RPL5: variants seen among roughly 807,000 people sequenced by gnomAD.
RPL5 encodes the protein ribosomal protein L5.
In RPL5, 1 loss-of-function variant was observed where a neutral mutation model predicts 38.4. The observed-to-expected ratio is 0.03, with a 90% confidence interval of 0.01 to 0.12. The LOEUF (loss-of-function observed/expected upper bound fraction) is 0.12, where lower values mean the gene tolerates loss of function less well. RPL5 is among the 10% of genes least tolerant of loss of function. RPL5 has a pLI of 1.00. For synonymous variants in RPL5, 109 were observed against 121.2 expected (o/e 0.90, Z 0.66); for missense variants, 243 against 374.1 (o/e 0.65, Z 2.89).
chr1:92,837,852 G>C (rs1687188380), intron 6 of RPL5: 1 of 557,456 alleles, frequency 1.8e-6, no homozygotes, highest in African/African-American at 1.9e-5. Flanking sequence ...TTCTGTATTT[G>C]TAGATGTCAT....
chr1:92,834,704 C>A, intron 3 of RPL5, 75 bp from the exon 4 acceptor site: 1 of 1,581,880 alleles, frequency 6.3e-7, no homozygotes, highest in Non-Finnish European at 8.7e-7. Flanking sequence ...TTTTTTTATT[C>A]CCTTGAAAAA....
intron 3 of RPL5, 68 bp downstream of exon 3, chr1:92,833,728 A>AATT: frequency 7.8e-7 from 1 of 1,283,550 alleles, no homozygotes; most frequent in Non-Finnish European, 1.1e-6. Flanking sequence ...AGCAAAGCAC[A>AATT]TGGTGTGTGT....
chr1:92,834,055 C>A, intron 3 of RPL5: 1 of 280,178 alleles, frequency 3.6e-6, no homozygotes, highest in Non-Finnish European at 6.9e-6. Context: ...TGAGATCACA[C>A]CCAGCCCTCC....
intron 1 of RPL5, chr1:92,832,767 T>G: frequency 4.0e-6 from 2 of 496,490 alleles, no homozygotes; most frequent in East Asian, 3.3e-5. Context: ...AAGGGTGGGA[T>G]GAAATGTTGC....
intron 6 of RPL5, among the ~76,000 whole-genome samples, chr1:92,839,176 T>A (rs2100692898): frequency 6.6e-6 from 1 of 151,972 alleles, no homozygotes; most frequent in South Asian, 2.1e-4. Context: ...CTGGCCAATA[T>A]GGTGAAACCC....
Position 92,837,519 on chromosome 1 carries a change from G to A in RPL5, c.591G>A (p.Lys197=). ...SKEFNAEVHR[K]HIMGQNVADY... The stretch of plus-strand genomic sequence containing the variant: ...AATTTAATGCAGAAGTACATCGGAA[G>A]CACATCATGGGCCAGAATGTTGCAG... The change falls in exon 6 of 8, where the codon AAG becomes AAA. Residue 197 remains lysine, a synonymous_variant. Transcript: ENST00000370321. The A allele has an allele frequency of 6.2e-7, 1 of 1,612,442 alleles. No homozygotes were observed. Among genetic ancestry groups the A allele is most frequent in the Non-Finnish European group, 8.5e-7 (1 of 1,179,866 alleles).
Position 92,832,067 on chromosome 1 carries a change from G to A in RPL5, c.-48G>A, listed in dbSNP as rs376070413. On this transcript the variant is annotated 5_prime_UTR_variant, in exon 1 of 8. Transcript: ENST00000370321. ...TTTTCCCACCCCCTAGCGCCGCTGG[G>A]CCTGCAGGTCTCTGTCGAGCAGCGG... is the stretch of plus-strand genomic sequence containing the variant. The A allele has an allele frequency of 1.6e-4, 264 of 1,613,168 alleles. No homozygotes were observed. Among genetic ancestry groups the A allele is most frequent in the Non-Finnish European group, 3.6e-5 (42 of 1,179,720 alleles).
In RPL5 at chr1:92,840,589, A is replaced by G; in HGVS notation, c.744A>G (p.Arg248=). The G allele has an allele frequency of 6.2e-7, 1 of 1,613,020 alleles. No individual in the cohort carries two copies. The highest frequency in any genetic ancestry group is 2.2e-5 in the East Asian group (1 of 44,866). ...EMYKKAHAAI[R]ENPVYEKKPK... ...ATAAGAAAGCTCATGCTGCTATACG[A>G]GAGAATCCAGTCTATGAAAAGAAGC... Residue 248 remains arginine, a synonymous_variant, in exon 7 of 8, where the codon CGA becomes CGG. Transcript: ENST00000370321.
At position 92,837,362 on chromosome 1, in the gene RPL5, T is replaced by G. The variant is rs77093817; in HGVS notation, c.528-94T>G. Reference sequence around the variant, plus strand: ...GGTTGCATATGATGCGATAATTGTTTCAAGACGGGACTGATGGCAGCTACT... The same window carrying G: ...GGTTGCATATGATGCGATAATTGTTGCAAGACGGGACTGATGGCAGCTACT... On this transcript the variant is annotated intron_variant, in intron 5 of 7. Coordinates refer to ENST00000370321, the MANE Select transcript of RPL5 (RefSeq NM_000969.5). 2.2e-4 allele frequency: 235 copies of G among 1,081,578 alleles called. 2 individuals carry two copies. The East Asian group carries it at 5.5e-3, about 25-fold the overall frequency. The allele number at this position is 1,081,578 out of a possible 1,614,324, so 67.0% of individuals were successfully genotyped here.
At chr1:92,839,219 C>T (rs1371719037) in intron 6 of RPL5, among the ~76,000 whole-genome samples, 1 of 151,948 alleles carries the variant, frequency 6.6e-6, no homozygotes, top group Non-Finnish European at 1.5e-5. Context: ...ATTAGCTGGG[C>T]ATGGTGGCTC....
Position 92,836,186 on chromosome 1 carries a change from A to G in RPL5, c.325-4A>G, listed in dbSNP as rs183825489. 5.1e-4 allele frequency: 821 copies of G among 1,611,660 alleles called. 4 individuals carry two copies. In the African/African-American group the frequency reaches 8.0e-3, roughly 16 times the overall value. ...ACCAGCATTTACATTGGTTTCTTGA[A>G]TAGCTTCTCAATAGGTTTGGCATGG... is the stretch of plus-strand genomic sequence containing the variant. On this transcript the variant is annotated splice_polypyrimidine_tract_variant and splice_region_variant and intron_variant, in intron 4 of 7. Transcript: ENST00000370321.
intron 3 of RPL5, 61 bp from the exon 4 acceptor site, chr1:92,834,714 ATAAT>A (rs1451329755): frequency 6.9e-6 from 11 of 1,598,546 alleles, no homozygotes; most frequent in East Asian, 2.2e-5. Context: ...CCCTTGAAAA[ATAAT>A]TAAGATGTAG....
chr1:92,837,806 C>T (rs2100689185), intron 6 of RPL5, 173 bp downstream of exon 6: 1 of 627,806 alleles, frequency 1.6e-6, no homozygotes, highest in East Asian at 2.8e-5. Context: ...AGACTTCAAG[C>T]ATCTGAAGAT....
chr1:92,837,907 T>G, intron 6 of RPL5: 1 of 439,886 alleles, frequency 2.3e-6, no homozygotes, highest in Non-Finnish European at 4.2e-6. Flanking sequence ...TAAGAGGTGC[T>G]AGATAATAAA....
At chr1:92,835,890 G>A (rs920696301) in intron 4 of RPL5, among the ~76,000 whole-genome samples, 1 of 152,172 alleles carries the variant, frequency 6.6e-6, no homozygotes, top group South Asian at 2.1e-4. Context: ...AGGGAACATT[G>A]TAAGTATAAG....
At chr1:92,838,905 T>C (rs1361972457) in intron 6 of RPL5, among the ~76,000 whole-genome samples, 1 of 152,256 alleles carries the variant, frequency 6.6e-6, no homozygotes, top group Admixed American at 6.5e-5. Context: ...TATTTTCCTT[T>C]AATAATCTTT....
intron 5 of RPL5, 143 bp from the exon 6 acceptor site, chr1:92,837,313 T>C (rs962199152): frequency 1.3e-6 from 1 of 794,478 alleles, no homozygotes; most frequent in African/African-American, 1.7e-5. Context: ...TCCCACTAAC[T>C]GAGCAGTCAG....
At chr1:92,832,475 C>T (rs1055833650) in intron 1 of RPL5, among the ~76,000 whole-genome samples, 2 of 152,126 alleles carry the variant, frequency 1.3e-5, no homozygotes, top group African/African-American at 4.8e-5. Context: ...CTGGGGAACG[C>T]CAGAATGGAG....
chr1:92,836,915 C>T (rs961101826), intron 5 of RPL5: 18 of 221,732 alleles, frequency 8.1e-5, no homozygotes, highest in Admixed American at 1.6e-4. Flanking sequence ...TGAGTCTGTG[C>T]ATCTTGATTT....
Sources: allele counts gnomAD v4.1 joint callset (sites outside exome capture counted in the v4.1 genomes callset), GRCh38; gene constraint gnomAD v4.1.1; transcripts MANE v1.5; gene names NCBI Gene and HGNC (gene_info 2026-07-23, HGNC 2026-07-21).